Variants in DOCK10 observed in about 807,000 individuals in gnomAD.
DOCK10 encodes dedicator of cytokinesis 10, also known as dedicator of cytokinesis protein 10.
Under a neutral mutation model 280.1 loss-of-function variants are expected in DOCK10, and 145 were observed. The observed-to-expected ratio is 0.52, with a 90% CI of 0.45 to 0.59. DOCK10 has a LOEUF of 0.59. Among genes scored for constraint, DOCK10 ranks in the 20% least tolerant of loss-of-function variants. DOCK10 has a pLI of 0.00. For synonymous variants in DOCK10, 915 were observed against 942.2 expected (o/e 0.97, Z 0.53); for missense variants, 2,368 against 2,651.7 (o/e 0.89, Z 2.35).
chr2:224,989,224 C>T (rs1194066231), intron 1 of DOCK10, among the ~76,000 whole-genome samples: 1 of 152,186 alleles, frequency 6.6e-6, no homozygotes, highest in East Asian at 1.9e-4. Flanking sequence ...GGGAGCTCAA[C>T]TGCCTCGCAA....
At chr2:224,930,371 G>C (rs77369510) in intron 2 of DOCK10, among the ~76,000 whole-genome samples, 3,239 of 152,210 alleles carry the variant, frequency 0.021, 109 homozygotes, top group African/African-American at 0.074. Flanking sequence ...CCACGGAAAT[G>C]AGATCTCTGC....
chr2:224,771,056 A>G (rs888382113), intron 53 of DOCK10, among the ~76,000 whole-genome samples: 1 of 152,002 alleles, frequency 6.6e-6, no homozygotes, highest in African/African-American at 2.4e-5. Context: ...TCAGCCTCTC[A>G]AGTAGCTGGG....
At chr2:225,041,997 G>A (rs887544249) in intron 1 of DOCK10, among the ~76,000 whole-genome samples, 1 of 152,216 alleles carries the variant, frequency 6.6e-6, no homozygotes, top group African/African-American at 2.4e-5. Flanking sequence ...CCCACGCTGC[G>A]CTTCTGCTAC....
rs1559963250 is a variant in DOCK10, at chr2:225,016,660, GATA to G, written c.123+25589_123+25591del. Among the ~76,000 whole-genome samples, 26 of 70,518 alleles carry G rather than the reference GATA, an allele frequency of 3.7e-4. 2 individuals carry two copies. The highest frequency in any genetic ancestry group is 1.6e-3 in the African/African-American group (26 of 15,790). 46.3% of individuals were successfully genotyped at this position (70,518 alleles called of 152,430 possible). On this transcript the variant is annotated intron_variant, in intron 1 of 55. Transcript: ENST00000258390. ...ATATCTATGTGCACATAGATACATA[GATA>G]CATATATCTATGTGCACATAGATAT...
chr2:224,960,198 C>G (rs1704283574), intron 1 of DOCK10, among the ~76,000 whole-genome samples: 1 of 152,122 alleles, frequency 6.6e-6, no homozygotes, highest in Admixed American at 6.5e-5. Flanking sequence ...TATTGTTATT[C>G]CTATTGTTCC....
intron 1 of DOCK10, among the ~76,000 whole-genome samples, chr2:224,995,658 T>C (rs1706251455): frequency 6.6e-6 from 1 of 152,208 alleles, no homozygotes; most frequent in Admixed American, 6.5e-5. Context: ...GAGCCAAGAA[T>C]GTAAGTCATC....
chr2:224,812,573 A>G (rs1166239944), intron 31 of DOCK10, among the ~76,000 whole-genome samples: 1 of 152,228 alleles, frequency 6.6e-6, no homozygotes, highest in African/African-American at 2.4e-5. Context: ...CCAGTTTTCA[A>G]AGGGAATGCT....
At chr2:224,973,287 C>T (rs1006310943) in intron 1 of DOCK10, among the ~76,000 whole-genome samples, 18 of 152,064 alleles carry the variant, frequency 1.2e-4, no homozygotes, top group African/African-American at 4.3e-4. Context: ...AGAACCTGTG[C>T]CTATGTCATT....
intron 50 of DOCK10, among the ~76,000 whole-genome samples, chr2:224,780,947 T>C (rs1258464912): frequency 1.3e-5 from 2 of 152,012 alleles, no homozygotes; most frequent in African/African-American, 4.8e-5. Context: ...TGTGACTTTC[T>C]TTCATCCCTC....
chr2:224,810,152 G>A (rs1294467419), intron 31 of DOCK10, among the ~76,000 whole-genome samples: 1 of 152,096 alleles, frequency 6.6e-6, no homozygotes, highest in Non-Finnish European at 1.5e-5. Context: ...GACAATAAGA[G>A]AATACTTGAT....
rs576207247 is a variant in DOCK10, at chr2:224,945,881, T to G, written c.124-14213A>C. ...GGGATTGCCACTGGCATTAAATGGA[T>G]AGAAGCCAGGAATTTGCTAACCATC... On this transcript the variant is annotated intron_variant, in intron 1 of 55. Transcript: ENST00000258390. Among the ~76,000 whole-genome samples, 65 of 152,230 alleles carry G rather than the reference T, an allele frequency of 4.3e-4. 1 individual carries two copies. Among genetic ancestry groups the G allele is most frequent in the African/African-American group, 1.4e-3 (60 of 41,538 alleles).
At position 224,875,648 on chromosome 2, in the gene DOCK10, T is replaced by C. The variant is rs906841830; in HGVS notation, c.931+390A>G. Among the ~76,000 whole-genome samples the C allele has an allele frequency of 3.3e-5, 5 of 152,308 alleles. No individual in the cohort carries two copies. The South Asian group carries it at 1.0e-3, about 32-fold the overall frequency. Reference sequence around the variant, plus strand: ...AAAAGCAGAAATGAAAGATGCTTTTTCACTAAAAGGAAGGAATTCATATTT... The same window carrying C: ...AAAAGCAGAAATGAAAGATGCTTTTCCACTAAAAGGAAGGAATTCATATTT... On this transcript the variant is annotated intron_variant, in intron 8 of 55. Coordinates refer to ENST00000258390, the MANE Select transcript of DOCK10 (RefSeq NM_014689.3).
At position 224,805,497 on chromosome 2, in the gene DOCK10, G is replaced by A. The variant is rs1278152822; in HGVS notation, c.3847C>T (p.His1283Tyr). 6.2e-7 allele frequency: 1 copy of A among 1,612,550 alleles called. No individual in the cohort carries two copies. Among genetic ancestry groups the A allele is most frequent in the Non-Finnish European group, 8.5e-7 (1 of 1,179,054 alleles). Residue 1283 changes from histidine to tyrosine, a missense_variant, in exon 35 of 56, where the codon CAT (histidine) becomes TAT (tyrosine). His to Tyr is a moderately conservative substitution (Grantham distance 83, BLOSUM62 2). Transcript: ENST00000258390. The surrounding 1 kb of genome is among the most constrained non-coding windows in gnomAD (Gnocchi z 4.3). ...FSSIAISTVN[H>Y]ADSRASLASL... ...GCTAAAGATGCTCTGGAGTCAGCAT[G>A]GTTTACTGTAGAAATAGCTATTGAT...
chr2:224,935,121 T>G (rs1179939004), intron 1 of DOCK10, among the ~76,000 whole-genome samples: 1 of 152,200 alleles, frequency 6.6e-6, no homozygotes, highest in East Asian at 1.9e-4. Context: ...CTGATTTCAC[T>G]ACTGAATGCC....
chr2:224,998,351 G>C (rs944299924), intron 1 of DOCK10, among the ~76,000 whole-genome samples: 6 of 152,080 alleles, frequency 3.9e-5, no homozygotes, highest in Non-Finnish European at 8.8e-5. Context: ...AAATGATTCA[G>C]GAGCATCGGG....
intron 1 of DOCK10, among the ~76,000 whole-genome samples, chr2:224,974,234 A>T (rs542430793): frequency 2.0e-5 from 3 of 152,212 alleles, no homozygotes; most frequent in African/African-American, 2.4e-5. Flanking sequence ...ATGTTTAGAC[A>T]ATCTAACCAT....
intron 1 of DOCK10, among the ~76,000 whole-genome samples, chr2:224,992,381 T>G (rs1434778679): frequency 2.0e-5 from 3 of 152,210 alleles, no homozygotes; most frequent in Non-Finnish European, 4.4e-5. Flanking sequence ...CAAATCAATT[T>G]TAAAGATAAA....
chr2:224,855,492 C>T (rs1414219299), intron 15 of DOCK10, among the ~76,000 whole-genome samples: 1 of 152,132 alleles, frequency 6.6e-6, no homozygotes, highest in African/African-American at 2.4e-5. Context: ...CATATTCTTC[C>T]TCTTCACCAA....
intron 31 of DOCK10, among the ~76,000 whole-genome samples, chr2:224,810,252 G>T (rs375812829): frequency 1.1e-4 from 16 of 152,140 alleles, no homozygotes; most frequent in African/African-American, 3.9e-4. Flanking sequence ...AATTACACTT[G>T]TACCCCTCTA....
Sources: gnomAD v4.1 joint callset for allele counts (sites outside exome capture counted in the v4.1 genomes callset) on GRCh38, gnomAD v4.1.1 for gene constraint, Gnocchi (gnomAD v3.1) non-coding constraint, MANE v1.5 for transcripts, NCBI Gene and HGNC (gene_info 2026-07-23, HGNC 2026-07-21) for gene names.